Variants in NDUFAF6 observed in about 807,000 individuals in gnomAD.
NDUFAF6 encodes NADH:ubiquinone oxidoreductase complex assembly factor 6, also known as NADH dehydrogenase (ubiquinone) complex I, assembly factor 6.
A neutral mutation model predicts 40.8 loss-of-function variants in NDUFAF6; 45 were observed. The observed-to-expected ratio is 1.10, with a 90% CI of 0.87 to 1.42. The LOEUF is 1.42. Ranked by LOEUF, NDUFAF6 falls within the 40% of genes most tolerant of loss-of-function variation. NDUFAF6 has a pLI of 0.00. For missense variants in NDUFAF6, 435 were observed against 418.5 expected (o/e 1.04, Z -0.34); for synonymous variants, 185 against 155.9 (o/e 1.19, Z -1.39).
upstream of NDUFAF6, among the ~76,000 whole-genome samples, chr8:95,020,458 C>T (rs537571829): frequency 1.3e-5 from 2 of 152,266 alleles, no homozygotes; most frequent in African/African-American, 4.8e-5. Flanking sequence ...TGTATGGTGC[C>T]TTGTTATAAA....
At chr8:94,996,713 G>T (rs1188636424) in intron 2 of NDUFAF6, among the ~76,000 whole-genome samples, 1 of 152,140 alleles carries the variant, frequency 6.6e-6, no homozygotes, top group Admixed American at 6.5e-5. Flanking sequence ...TTATGATGTG[G>T]CTGGATTTGG....
At chr8:94,972,138 C>T (rs1190346538) in intron 1 of NDUFAF6, among the ~76,000 whole-genome samples, 2 of 152,292 alleles carry the variant, frequency 1.3e-5, no homozygotes, top group Non-Finnish European at 2.9e-5. Flanking sequence ...AGAAAGCTCT[C>T]CTAGAAAGCT....
downstream of NDUFAF6, among the ~76,000 whole-genome samples, chr8:95,105,708 G>A (rs917612888): frequency 1.3e-5 from 2 of 151,954 alleles, no homozygotes; most frequent in Non-Finnish European, 2.9e-5. Context: ...TCACCATGTT[G>A]GCCAGGCTGG....
intron 2 of NDUFAF6, among the ~76,000 whole-genome samples, chr8:95,084,288 C>T (rs1246185668): frequency 6.6e-6 from 1 of 151,808 alleles, no homozygotes; most frequent in Non-Finnish European, 1.5e-5. Context: ...AATTTGGACA[C>T]CCTATTATTT....
At chr8:94,897,673 C>T (rs888314850) in intron 1 of NDUFAF6, among the ~76,000 whole-genome samples, 6 of 148,128 alleles carry the variant, frequency 4.1e-5, no homozygotes. Flanking sequence ...AAAAAAAATT[C>T]AGGCTTAGCC....
rs1214102797 is a variant in NDUFAF6 at position 95,058,633 on chromosome 8, A to G, written c.*696A>G. On this transcript the variant is annotated 3_prime_UTR_variant, in exon 9 of 9. Coordinates refer to ENST00000396124, the MANE Select transcript of NDUFAF6 (RefSeq NM_152416.4). ...TTCAGCATTATCATGATCGTGAACA[A>G]AATTGTACTGAGAAAGTTTGTATAA... The G allele has an allele frequency of 1.3e-5, 14 of 1,118,296 alleles. No homozygotes were observed. The East Asian group carries it at 6.6e-4, about 53-fold the overall frequency. 69.3% of individuals were successfully genotyped at this position (1,118,296 alleles called of 1,614,324 possible).
chr8:94,959,148 C>G (rs116711896), intron 1 of NDUFAF6, among the ~76,000 whole-genome samples: 216 of 152,314 alleles, frequency 1.4e-3, no homozygotes, highest in African/African-American at 5.0e-3. Context: ...CAATGACTTA[C>G]TCAGGTCACA....
intron 2 of NDUFAF6, among the ~76,000 whole-genome samples, chr8:95,002,040 A>G (rs897856636): frequency 6.6e-6 from 1 of 152,248 alleles, no homozygotes; most frequent in African/African-American, 2.4e-5. Flanking sequence ...AAGTTTGAAG[A>G]CAATGAAAAG....
chr8:94,919,160 C>T (rs1024535562), intron 1 of NDUFAF6, among the ~76,000 whole-genome samples: 1 of 151,996 alleles, frequency 6.6e-6, no homozygotes, highest in African/African-American at 2.4e-5. Context: ...TTTGAAAGTC[C>T]TTTTAAGTGG....
At chr8:95,107,709 T>C (rs1245119789), downstream of NDUFAF6, among the ~76,000 whole-genome samples, 1 of 152,224 alleles carries the variant, frequency 6.6e-6, no homozygotes, top group East Asian at 1.9e-4. Context: ...TAAAAAGTGT[T>C]TTTTTAAAAT....
At chr8:94,905,818 G>T (rs1818356539) in intron 1 of NDUFAF6, among the ~76,000 whole-genome samples, 1 of 152,146 alleles carries the variant, frequency 6.6e-6, no homozygotes, top group Admixed American at 6.5e-5. Context: ...CTGGACTGCT[G>T]TGCAGTTTCT....
intron 2 of NDUFAF6, among the ~76,000 whole-genome samples, chr8:95,013,773 G>A (rs936352480): frequency 1.3e-5 from 2 of 152,176 alleles, no homozygotes; most frequent in African/African-American, 4.8e-5. Flanking sequence ...CATAAGTGGA[G>A]GGTTACAAGG....
chr8:94,940,861 T>C (rs570867319), intron 1 of NDUFAF6: 1 of 1,613,780 alleles, frequency 6.2e-7, no homozygotes, highest in South Asian at 1.1e-5. Context: ...ATTCATCATC[T>C]TCTTTCTCAT....
downstream of NDUFAF6, among the ~76,000 whole-genome samples, chr8:95,078,854 A>T (rs1229072243): frequency 6.6e-6 from 1 of 151,622 alleles, no homozygotes. Flanking sequence ...TGCAGTTCAG[A>T]TTTGTCCATG....
intron 8 of NDUFAF6, 22 bp downstream of exon 8, chr8:95,052,252 G>A: frequency 1.2e-6 from 2 of 1,609,412 alleles, no homozygotes; most frequent in Non-Finnish European, 1.7e-6. Flanking sequence ...AACAGAGAAG[G>A]CTGTATAATT....
intron 7 of NDUFAF6, among the ~76,000 whole-genome samples, chr8:95,051,884 C>T (rs920531106): frequency 6.6e-6 from 1 of 152,132 alleles, no homozygotes; most frequent in African/African-American, 2.4e-5. Flanking sequence ...AGTATTTCTT[C>T]ATTTTCCCCT....
In NDUFAF6 at chr8:95,045,258, G is replaced by A. The variant is rs568415089; in HGVS notation, c.478-287G>A. Reference sequence around the variant, plus strand: ...AGTGCCTATGTAAGAGCTCAGTAAAGTCAGTTTATTTTGATAACTTGGGCT... The same window carrying A: ...AGTGCCTATGTAAGAGCTCAGTAAAATCAGTTTATTTTGATAACTTGGGCT... On this transcript the variant is annotated intron_variant, in intron 4 of 8. Transcript: ENST00000396124. 1.1e-3 allele frequency among the ~76,000 whole-genome samples: 172 copies of A among 152,212 alleles called. 1 individual carries two copies. Among genetic ancestry groups the A allele is most frequent in the Middle Eastern group, 6.8e-3 (2 of 294 alleles).
intron 3 of NDUFAF6, among the ~76,000 whole-genome samples, chr8:95,036,970 A>G (rs1385441275): frequency 6.6e-6 from 1 of 152,184 alleles, no homozygotes; most frequent in Non-Finnish European, 1.5e-5. Context: ...GCTGGAGCAT[A>G]TGGGGCATAT....
intron 1 of NDUFAF6, among the ~76,000 whole-genome samples, chr8:95,030,942 G>T (rs554562437): frequency 6.6e-6 from 1 of 152,314 alleles, no homozygotes; most frequent in African/African-American, 2.4e-5. Context: ...AAGCAAAAGA[G>T]AGAAGGGAGG....
Sources: gnomAD v4.1 joint callset for allele counts (sites outside exome capture counted in the v4.1 genomes callset) on GRCh38, gnomAD v4.1.1 for gene constraint, MANE v1.5 for transcripts, NCBI Gene and HGNC (gene_info 2026-07-23, HGNC 2026-07-21) for gene names.